The following BICDL1 variants were observed in gnomAD, a reference collection of about 807,000 sequenced individuals.
The protein encoded by BICDL1 is BICD family like cargo adaptor 1.
Under a neutral mutation model 76.8 loss-of-function variants are expected in BICDL1, and 20 were observed. The ratio of observed to expected loss-of-function variants is 0.26; its 90% confidence interval spans 0.18 to 0.38. BICDL1 has a LOEUF of 0.38. Ranked by LOEUF, BICDL1 falls within the 10% of genes least tolerant of loss-of-function variation. The pLI is 1.00. For synonymous variants in BICDL1, 383 were observed against 337.1 expected, an observed-to-expected ratio of 1.14 and a Z score of -1.49; for missense variants, 700 against 798.6, an observed-to-expected ratio of 0.88 and a Z score of 1.49.
intron 2 of BICDL1, among the ~76,000 whole-genome samples, chr12:120,032,931 G>T (rs1276363700): frequency 2.0e-5 from 3 of 151,776 alleles, no homozygotes; most frequent in African/African-American, 7.3e-5. Context: ...ATTTTTAGTA[G>T]AGATAGGGTT....
rs758846658 is a variant in BICDL1 at position 120,071,694 on chromosome 12, C to G, written c.982C>G (p.Leu328Val). 6.2e-7 allele frequency: 1 copy of G among 1,612,726 alleles called. No individual in the cohort carries two copies. Among genetic ancestry groups the G allele is most frequent in the Non-Finnish European group, 8.5e-7 (1 of 1,179,862 alleles). The change falls in exon 5 of 10, where the codon CTC becomes GTC. Residue 328 changes from leucine (L) to valine (V), a missense_variant. Physicochemically the swap from Leu to Val is conservative, Grantham distance 32. This residue lies in a region of BICDL1 where 455 missense variants were observed against 548.7 expected (regional missense o/e 0.83). Transcript: ENST00000548673. The surrounding 1 kb of genome is among the most constrained non-coding windows in gnomAD (Gnocchi z 4.8). ...CRQLQVKVEE[L>V]TEERSLQSSA... ...ACAGCTGCAGGTGAAGGTGGAAGAA[C>G]TCACTGAGGAGAGGAGTCTGCAGAG...
At chr12:120,075,752 C>T (rs1261254855) in intron 7 of BICDL1, among the ~76,000 whole-genome samples, 3 of 152,200 alleles carry the variant, frequency 2.0e-5, no homozygotes, top group Non-Finnish European at 2.9e-5. Context: ...GGAGTCATCC[C>T]GTTAGTCTTC....
chr12:120,062,551 CA>C (rs1165709256), intron 3 of BICDL1, among the ~76,000 whole-genome samples: 3 of 152,114 alleles, frequency 2.0e-5, no homozygotes, highest in East Asian at 3.9e-4. Flanking sequence ...AGTCTAGAGC[CA>C]GGTTGAACAA....
intron 2 of BICDL1, among the ~76,000 whole-genome samples, chr12:120,037,379 C>T (rs1440609988): frequency 6.6e-6 from 1 of 151,980 alleles, no homozygotes. Context: ...TTTAAATAAG[C>T]CTTGGTCTGG....
intron 1 of BICDL1, among the ~76,000 whole-genome samples, chr12:119,996,703 C>G (rs573520969): frequency 6.7e-6 from 1 of 149,884 alleles, no homozygotes; most frequent in Non-Finnish European, 1.5e-5. Context: ...CACACACACA[C>G]GCATAGATGC....
In BICDL1 at chr12:120,079,780, A is replaced by T. The variant is rs1468183624; in HGVS notation, c.1453-1107A>T. ...CCCGGTTCCAAAACAAGAAAGGGCC[A>T]TGGGAAAAGGGACAACAAACAAACT... On this transcript the variant is annotated intron_variant, in intron 7 of 9. Coordinates refer to ENST00000548673, the MANE Select transcript of BICDL1 (RefSeq NM_001367886.1). The surrounding 1 kb of genome is among the most constrained non-coding windows in gnomAD (Gnocchi z 4.3). 1.3e-5 allele frequency among the ~76,000 whole-genome samples: 2 copies of T among 152,230 alleles called. No homozygotes were observed. Among genetic ancestry groups the T allele is most frequent in the Non-Finnish European group, 2.9e-5 (2 of 68,046 alleles).
chr12:120,026,867 C>T (rs946292093), intron 2 of BICDL1, among the ~76,000 whole-genome samples: 6 of 152,048 alleles, frequency 3.9e-5, no homozygotes, highest in Non-Finnish European at 2.9e-5. Flanking sequence ...AAAGACTTGG[C>T]AGTATAGGAA....
chr12:119,999,056 G>T, intron 2 of BICDL1, among the ~76,000 whole-genome samples: 1 of 116,348 alleles, frequency 8.6e-6, no homozygotes, highest in African/African-American at 4.2e-5. Context: ...GTGACAGCCT[G>T]TCTCGGAAAA....
At chr12:120,020,915 G>C (rs1952165872) in intron 2 of BICDL1, among the ~76,000 whole-genome samples, 1 of 152,072 alleles carries the variant, frequency 6.6e-6, no homozygotes, top group African/African-American at 2.4e-5. Context: ...CTTTAGACAG[G>C]CCTTGTGCTG....
chr12:120,048,022 C>T (rs1014745040), intron 2 of BICDL1, among the ~76,000 whole-genome samples: 1 of 152,076 alleles, frequency 6.6e-6, no homozygotes, highest in African/African-American at 2.4e-5. Context: ...TCCTTTCCTC[C>T]CTCAATCTTT....
intron 2 of BICDL1, chr12:120,057,041 G>A (rs1952990071): frequency 1.9e-6 from 1 of 515,676 alleles, no homozygotes; most frequent in Admixed American, 2.0e-5. Flanking sequence ...AGCAATGGAT[G>A]CCTTAGAGGA....
chr12:120,048,172 T>C (rs1485581208), intron 2 of BICDL1, among the ~76,000 whole-genome samples: 1 of 152,094 alleles, frequency 6.6e-6, no homozygotes, highest in Non-Finnish European at 1.5e-5. Flanking sequence ...TGTTGATGTC[T>C]TATGAATTTA....
At chr12:120,060,628 G>T (rs1953084282) in intron 2 of BICDL1, among the ~76,000 whole-genome samples, 1 of 152,128 alleles carries the variant, frequency 6.6e-6, no homozygotes, top group African/African-American at 2.4e-5. Flanking sequence ...TTTGTGTTTT[G>T]TAATTGTTTT....
chr12:120,075,316 C>T (rs1209137015), intron 7 of BICDL1, among the ~76,000 whole-genome samples: 3 of 152,094 alleles, frequency 2.0e-5, no homozygotes, highest in Admixed American at 6.5e-5. Flanking sequence ...AAGCTGTTCA[C>T]GCCTTGCTGC....
intron 2 of BICDL1, 41 bp downstream of exon 2, chr12:119,998,777 A>G (rs775164109): frequency 1.9e-6 from 3 of 1,565,928 alleles, no homozygotes; most frequent in Non-Finnish European, 2.6e-6. Flanking sequence ...AAATACTAAA[A>G]GTTGAAATAG....
chr12:119,990,400 C>A (rs904944032), intron 1 of BICDL1, 103 bp downstream of exon 1: 1 of 1,496,394 alleles, frequency 6.7e-7, no homozygotes, highest in South Asian at 1.3e-5. Context: ...CGTTGCTCAC[C>A]CTACCTCGCA....
At chr12:120,082,059 A>T (rs960269144) in intron 8 of BICDL1, among the ~76,000 whole-genome samples, 2 of 152,096 alleles carry the variant, frequency 1.3e-5, no homozygotes, top group African/African-American at 4.8e-5. Flanking sequence ...TTAGAATCAG[A>T]CTCCGAAGCC....
At chr12:120,051,927 T>TTTGTTG (rs144679799) in intron 2 of BICDL1, among the ~76,000 whole-genome samples, 115 of 151,652 alleles carry the variant, frequency 7.6e-4, no homozygotes, top group African/African-American at 2.4e-3. Context: ...TTTCTCAGTC[T>TTTGTTG]TTGTTGTTGT....
intron 8 of BICDL1, among the ~76,000 whole-genome samples, chr12:120,088,651 C>G (rs950421441): frequency 4.0e-5 from 6 of 151,288 alleles, no homozygotes; most frequent in African/African-American, 1.5e-4. Context: ...GCCACCGCGC[C>G]TGGCCACACT....
Sources: gnomAD v4.1 joint callset for allele counts (sites outside exome capture counted in the v4.1 genomes callset) on GRCh38, gnomAD v4.1.1 for gene constraint, gnomAD v4.1.1 regional missense constraint, Gnocchi (gnomAD v3.1) non-coding constraint, MANE v1.5 for transcripts, NCBI Gene and HGNC (gene_info 2026-07-23, HGNC 2026-07-21) for gene names.